CMSS1: variants seen among roughly 807,000 people sequenced by gnomAD.
CMSS1 encodes the protein protein CMSS1.
A neutral mutation model predicts 43.5 loss-of-function variants in CMSS1; 33 were observed. The observed-to-expected ratio is 0.76, with a 90% CI of 0.57 to 1.01. CMSS1 has a LOEUF of 1.01. CMSS1 is among the 50% of genes least tolerant of loss of function. CMSS1 has a pLI of 0.00. For missense variants in CMSS1, 313 were observed against 326.4 expected (o/e 0.96, Z 0.32); for synonymous variants, 115 against 117.2 (o/e 0.98, Z 0.12).
chr3:100,121,602 T>C (rs7636776), intron 1 of CMSS1, among the ~76,000 whole-genome samples: 64,931 of 151,992 alleles, frequency 0.43, 14,101 homozygotes, highest in African/African-American at 0.48. Context: ...CATACATGTG[T>C]GTATGTCTTT....
chr3:100,048,982 A>G (rs1291061228), intron 1 of CMSS1, among the ~76,000 whole-genome samples: 7 of 152,218 alleles, frequency 4.6e-5, no homozygotes, highest in Non-Finnish European at 1.0e-4. Context: ...TCTATTTTCA[A>G]ACCTAATGGA....
intron 1 of CMSS1, among the ~76,000 whole-genome samples, chr3:100,064,476 G>T (rs2065628546): frequency 6.6e-6 from 1 of 151,662 alleles, no homozygotes; most frequent in South Asian, 2.1e-4. Context: ...ACTGCATTAA[G>T]TGTGCTGTGA....
chr3:100,181,352 G>A lies in CMSS1; in HGVS notation c.*2964G>A, dbSNP rs534055792. 6.6e-6 allele frequency: 1 copy of A among 152,264 alleles called. No individual in the cohort carries two copies. Among genetic ancestry groups the A allele is most frequent in the East Asian group, 1.9e-4 (1 of 5,184 alleles). 9.4% of individuals were successfully genotyped at this position (152,264 alleles called of 1,614,324 possible). A position where few individuals can be genotyped will look rare whatever the true frequency, so the allele number is the denominator to read the frequency against. ...GCTTAATAGAAAAGTTTAAAAAATA[G>A]AGAATTCCCATATCCCCTTCCCTGA... On this transcript the variant is annotated 3_prime_UTR_variant, in exon 10 of 10. Coordinates refer to ENST00000421999, the MANE Select transcript of CMSS1 (RefSeq NM_032359.4).
At chr3:99,826,071 C>T (rs6803576) in intron 1 of CMSS1, among the ~76,000 whole-genome samples, 1,710 of 152,170 alleles carry the variant, frequency 0.011, 18 homozygotes, top group African/African-American at 0.025. Flanking sequence ...GCCACGGAGC[C>T]CGGCCCAGCA....
At chr3:100,127,411 A>G (rs2066672289) in intron 1 of CMSS1, among the ~76,000 whole-genome samples, 1 of 152,192 alleles carries the variant, frequency 6.6e-6, no homozygotes, top group African/African-American at 2.4e-5. Flanking sequence ...CGTCTTTCCC[A>G]GGATGGCTCT....
chr3:99,833,801 C>T (rs115552476), intron 1 of CMSS1, among the ~76,000 whole-genome samples: 1,712 of 152,238 alleles, frequency 0.011, 18 homozygotes, highest in African/African-American at 0.025. Context: ...TGGTGTGGGA[C>T]GGTGGTTGGA....
At chr3:99,991,500 A>G (rs1157871700) in intron 1 of CMSS1, among the ~76,000 whole-genome samples, 4 of 152,120 alleles carry the variant, frequency 2.6e-5, no homozygotes, top group African/African-American at 9.7e-5. Flanking sequence ...CATTTCTTAC[A>G]TGCATATATT....
At chr3:100,089,193 C>G (rs1238348680) in intron 1 of CMSS1, among the ~76,000 whole-genome samples, 1 of 152,172 alleles carries the variant, frequency 6.6e-6, no homozygotes, top group Admixed American at 6.5e-5. Context: ...CAACGTCTAG[C>G]TCTTGTTTTC....
intron 1 of CMSS1, among the ~76,000 whole-genome samples, chr3:99,912,013 G>GT (rs1706805014): frequency 6.6e-6 from 1 of 151,688 alleles, no homozygotes; most frequent in Non-Finnish European, 1.5e-5. Context: ...AACATTAAAA[G>GT]TTTTAATTTT....
intron 1 of CMSS1, among the ~76,000 whole-genome samples, chr3:100,097,571 A>G (rs2066232749): frequency 6.6e-6 from 1 of 152,184 alleles, no homozygotes; most frequent in African/African-American, 2.4e-5. Flanking sequence ...TCAGTATACA[A>G]GCCTATATAT....
intron 1 of CMSS1, among the ~76,000 whole-genome samples, chr3:100,116,509 T>A (rs569343788): frequency 4.6e-5 from 7 of 152,312 alleles, no homozygotes; most frequent in African/African-American, 1.7e-4. Flanking sequence ...TAGCCATATC[T>A]TCAAGAAGAC....
At chr3:100,135,555 T>A (rs1044736117) in intron 1 of CMSS1, among the ~76,000 whole-genome samples, 7 of 151,630 alleles carry the variant, frequency 4.6e-5, no homozygotes, top group African/African-American at 1.7e-4. Context: ...CATAGCTCAT[T>A]GTATCTTCGA....
At chr3:99,970,149 A>C (rs1708771243) in intron 1 of CMSS1, among the ~76,000 whole-genome samples, 1 of 152,236 alleles carries the variant, frequency 6.6e-6, no homozygotes, top group Non-Finnish European at 1.5e-5. Flanking sequence ...TAAATCATTC[A>C]TTCTCACAAC....
intron 1 of CMSS1, among the ~76,000 whole-genome samples, chr3:100,067,514 A>G (rs898258582): frequency 6.6e-6 from 1 of 152,208 alleles, no homozygotes; most frequent in African/African-American, 2.4e-5. Context: ...AAATCTGACA[A>G]AATTCACTTC....
At chr3:100,018,429 A>C (rs1292717380) in intron 1 of CMSS1, among the ~76,000 whole-genome samples, 1 of 152,158 alleles carries the variant, frequency 6.6e-6, no homozygotes, top group Non-Finnish European at 1.5e-5. Context: ...TTGTAGGTGC[A>C]CTGGAGTTGA....
At chr3:100,139,529 A>ATGTGTGTGTGTGTGTG (rs201315535) in intron 1 of CMSS1, among the ~76,000 whole-genome samples, 1 of 129,296 alleles carries the variant, frequency 7.7e-6, no homozygotes, top group African/African-American at 3.0e-5. Flanking sequence ...TAAAAAAAAA[A>ATGTGTGTGTGTGTGTG]TGTGTGTGTG....
intron 2 of CMSS1, among the ~76,000 whole-genome samples, chr3:100,159,622 A>G (rs2067005667): frequency 6.6e-6 from 1 of 152,216 alleles, no homozygotes; most frequent in Non-Finnish European, 1.5e-5. Flanking sequence ...AATGTTGCAT[A>G]AAAGGTCCAG....
At chr3:100,045,548 C>G (rs1273752923) in intron 1 of CMSS1, among the ~76,000 whole-genome samples, 1 of 152,102 alleles carries the variant, frequency 6.6e-6, no homozygotes, top group East Asian at 1.9e-4. Context: ...TAATTCTCCC[C>G]CTGAAAAATC....
chr3:99,952,686 ACC>A (rs1274159133), intron 1 of CMSS1, among the ~76,000 whole-genome samples: 11 of 152,318 alleles, frequency 7.2e-5, no homozygotes, highest in Non-Finnish European at 1.3e-4. Flanking sequence ...TCCTCTTTCT[ACC>A]CTATATTTTT....
Sources: gnomAD v4.1 joint callset for allele counts (sites outside exome capture counted in the v4.1 genomes callset) on GRCh38, gnomAD v4.1.1 for gene constraint, MANE v1.5 for transcripts, NCBI Gene and HGNC (gene_info 2026-07-23, HGNC 2026-07-21) for gene names.